DNAAF9: variants seen among roughly 807,000 people sequenced by gnomAD.
The protein encoded by DNAAF9 is dynein axonemal assembly factor 9.
In DNAAF9, 90 loss-of-function variants were observed where a neutral mutation model predicts 167.0. The observed-to-expected ratio is 0.54, with a 90% CI of 0.45 to 0.64. DNAAF9 has a LOEUF of 0.64. Among genes scored for constraint, DNAAF9 ranks in the 30% least tolerant of loss-of-function variants. DNAAF9 has a pLI of 0.00. For synonymous variants in DNAAF9, 491 were observed against 508.8 expected (o/e 0.96, Z 0.47); for missense variants, 1,315 against 1,442.2 (o/e 0.91, Z 1.43).
At chr20:3,357,608 C>T (rs1251162114) in intron 7 of DNAAF9, among the ~76,000 whole-genome samples, 1 of 149,476 alleles carries the variant, frequency 6.7e-6, no homozygotes, top group Non-Finnish European at 1.5e-5. Flanking sequence ...TTTTCCTAAT[C>T]CCTCCTTCCT....
At chr20:3,270,985 G>C (rs1043631233) in intron 29 of DNAAF9, among the ~76,000 whole-genome samples, 23 of 151,984 alleles carry the variant, frequency 1.5e-4, no homozygotes, top group African/African-American at 5.5e-4. Flanking sequence ...GCTAATTTTT[G>C]TATTTTTAGT....
intron 4 of DNAAF9, among the ~76,000 whole-genome samples, chr20:3,375,860 A>G (rs1174558088): frequency 1.3e-5 from 2 of 152,074 alleles, no homozygotes; most frequent in Non-Finnish European, 2.9e-5. Flanking sequence ...AAAAAAAAAA[A>G]AATCCCAGGG....
At chr20:3,318,105 T>TC (rs202151493) in intron 17 of DNAAF9, among the ~76,000 whole-genome samples, 184 bp downstream of exon 17, 38 of 93,600 alleles carry the variant, frequency 4.1e-4, no homozygotes, top group Non-Finnish European at 5.8e-4. Flanking sequence ...AATGTTTCTC[T>TC]TTTTTTTTTT....
At chr20:3,380,841 T>A (rs1431662903) in intron 3 of DNAAF9, among the ~76,000 whole-genome samples, 1 of 152,182 alleles carries the variant, frequency 6.6e-6, no homozygotes, top group African/African-American at 2.4e-5. Flanking sequence ...AGGCAGAGTG[T>A]CTCAGTGCTA....
rs577606226 is a variant in DNAAF9 at position 3,361,314 on chromosome 20, A to C, written c.613-1721T>G. On this transcript the variant is annotated intron_variant, in intron 6 of 36. Coordinates refer to ENST00000252032, the MANE Select transcript of DNAAF9 (RefSeq NM_001009984.3). ...ATGCTTTGGCCAAAGGTGGGAGTGG[A>C]GGAGTGTGGGGACAGGATGATGGCT... Among the ~76,000 whole-genome samples the C allele has an allele frequency of 2.6e-5, 4 of 152,262 alleles. 1 individual carries two copies. In the South Asian group the frequency reaches 8.3e-4, roughly 32 times the overall value.
intron 28 of DNAAF9, among the ~76,000 whole-genome samples, chr20:3,280,993 A>G (rs1265321959): frequency 6.6e-6 from 1 of 152,014 alleles, no homozygotes; most frequent in Non-Finnish European, 1.5e-5. Flanking sequence ...TAAATAGATT[A>G]TATACTCAAC....
intron 30 of DNAAF9, among the ~76,000 whole-genome samples, chr20:3,265,078 C>T (rs2068464594): frequency 6.6e-6 from 1 of 152,092 alleles, no homozygotes; most frequent in Non-Finnish European, 1.5e-5. Context: ...TTTACTGGCT[C>T]CCAGCAATCA....
Position 3,255,922 on chromosome 20 carries a change from A to T in DNAAF9, c.3261+84T>A. On this transcript the variant is annotated intron_variant, in intron 34 of 36. Coordinates refer to ENST00000252032, the MANE Select transcript of DNAAF9 (RefSeq NM_001009984.3). ...CCCAGTGGGGAGGCATCAGGGAGGC[A>T]GTGGCGGGGCTTCTCAGGGCCAACA... 4.1e-6 allele frequency: 4 copies of T among 981,528 alleles called. No individual in the cohort carries two copies. The South Asian group carries it at 5.9e-5, about 15-fold the overall frequency. 60.8% of individuals were successfully genotyped at this position (981,528 alleles called of 1,614,324 possible).
chr20:3,381,949 T>G (rs1378777192), intron 2 of DNAAF9, among the ~76,000 whole-genome samples: 1 of 152,140 alleles, frequency 6.6e-6, no homozygotes, highest in African/African-American at 2.4e-5. Context: ...ATTATGAGGC[T>G]CAAGGTCTAG....
chr20:3,316,983 C>G (rs1352227987), intron 17 of DNAAF9, among the ~76,000 whole-genome samples, 190 bp from the exon 18 acceptor site: 1 of 150,512 alleles, frequency 6.6e-6, no homozygotes, highest in Non-Finnish European at 1.5e-5. Flanking sequence ...CAACCTCTGC[C>G]TAGCAAGTTC....
At chr20:3,318,460 A>G in intron 16 of DNAAF9, 60 bp from the exon 17 acceptor site, 2 of 830,696 alleles carry the variant, frequency 2.4e-6, no homozygotes, top group Non-Finnish European at 4.2e-6. Flanking sequence ...AGAGAAGTCC[A>G]TAAGAATGAG....
intron 6 of DNAAF9, among the ~76,000 whole-genome samples, chr20:3,371,885 T>C (rs564320625): frequency 6.1e-4 from 93 of 152,196 alleles, no homozygotes; most frequent in Admixed American, 1.9e-3. Context: ...GTTCCAGCAG[T>C]GGGAGAGTAA....
intron 21 of DNAAF9, among the ~76,000 whole-genome samples, chr20:3,298,636 A>G (rs1396167760): frequency 2.0e-5 from 3 of 152,092 alleles, no homozygotes; most frequent in Non-Finnish European, 4.4e-5. Flanking sequence ...TTTTTCCCCT[A>G]TACTGAAAAT....
intron 20 of DNAAF9, among the ~76,000 whole-genome samples, chr20:3,313,661 T>C (rs2069452268): frequency 6.6e-6 from 1 of 152,224 alleles, no homozygotes; most frequent in South Asian, 2.1e-4. Flanking sequence ...GGATTTCATA[T>C]GAGCAGAAAC....
intron 7 of DNAAF9, among the ~76,000 whole-genome samples, chr20:3,358,968 T>C (rs1348662697): frequency 1.3e-5 from 2 of 152,164 alleles, no homozygotes; most frequent in South Asian, 2.1e-4. Context: ...CCGTGTATTT[T>C]TGTAAATAGT....
intron 21 of DNAAF9, among the ~76,000 whole-genome samples, chr20:3,300,412 C>T (rs1026660601): frequency 5.9e-5 from 9 of 151,890 alleles, no homozygotes; most frequent in African/African-American, 1.5e-4. Context: ...TAAATTTATT[C>T]CCTAGTACTT....
intron 30 of DNAAF9, among the ~76,000 whole-genome samples, chr20:3,266,678 C>T (rs1041270233): frequency 1.3e-5 from 2 of 151,608 alleles, no homozygotes; most frequent in Non-Finnish European, 2.9e-5. Flanking sequence ...GGGGTTTCAC[C>T]GTGTTGGCCA....
intron 16 of DNAAF9, among the ~76,000 whole-genome samples, chr20:3,319,820 G>A (rs140108333): frequency 2.6e-5 from 4 of 152,250 alleles, no homozygotes; most frequent in East Asian, 3.9e-4. Context: ...ACAAGTAGGC[G>A]TCTATATTTG....
chr20:3,317,493 G>A (rs936388766), intron 17 of DNAAF9, among the ~76,000 whole-genome samples: 1 of 151,848 alleles, frequency 6.6e-6, no homozygotes, highest in African/African-American at 2.4e-5. Flanking sequence ...GAATTATCAG[G>A]CTCATTCTAC....
Sources: gnomAD v4.1 joint callset for allele counts (sites outside exome capture counted in the v4.1 genomes callset) on GRCh38, gnomAD v4.1.1 for gene constraint, MANE v1.5 for transcripts, NCBI Gene and HGNC (gene_info 2026-07-23, HGNC 2026-07-21) for gene names.